RPRD2: variants seen among roughly 807,000 people sequenced by gnomAD.
The protein encoded by RPRD2 is regulation of nuclear pre-mRNA domain containing 2.
A neutral mutation model predicts 104.4 loss-of-function variants in RPRD2; 12 were observed. That is an observed-to-expected ratio of 0.11 (90% confidence interval 0.07 to 0.19). The LOEUF (loss-of-function observed/expected upper bound fraction) is 0.19. Among genes scored for constraint, RPRD2 ranks in the 10% least tolerant of loss-of-function variants. The probability of loss-of-function intolerance (pLI) is 1.00; values close to 1 mark genes in which losing one functional copy is unlikely to be tolerated. For missense variants in RPRD2, 1,543 were observed against 1,790.1 expected, an observed-to-expected ratio of 0.86 and a Z score of 2.49; for synonymous variants, 714 against 684.9, an observed-to-expected ratio of 1.04 and a Z score of -0.66.
chr1:150,464,260 C>T (rs1010781819), intron 9 of RPRD2, among the ~76,000 whole-genome samples: 5 of 151,932 alleles, frequency 3.3e-5, no homozygotes, highest in South Asian at 2.1e-4. Context: ...CCGCCTGCCT[C>T]GGCCTCCCAA....
intron 1 of RPRD2, among the ~76,000 whole-genome samples, chr1:150,392,799 C>T (rs11205366): frequency 0.22 from 33,779 of 151,486 alleles, 4,286 homozygotes; most frequent in African/African-American, 0.32. Flanking sequence ...GCTATGATTT[C>T]GCCATGCACT....
intron 9 of RPRD2, among the ~76,000 whole-genome samples, chr1:150,464,065 G>A (rs1307709390): frequency 1.3e-5 from 2 of 152,050 alleles, no homozygotes; most frequent in Non-Finnish European, 2.9e-5. Flanking sequence ...GAGTCTCACT[G>A]TGTCTCAACT....
At chr1:150,436,474 G>T (rs1445580221) in intron 2 of RPRD2, among the ~76,000 whole-genome samples, 2 of 151,936 alleles carry the variant, frequency 1.3e-5, no homozygotes, top group African/African-American at 4.8e-5. Flanking sequence ...GGTGGCAGGC[G>T]TCTGTAGTCC....
intron 2 of RPRD2, among the ~76,000 whole-genome samples, chr1:150,433,858 T>A: frequency 7.3e-6 from 1 of 136,968 alleles, no homozygotes. Flanking sequence ...ATATGTTATA[T>A]ATACATAATG....
chr1:150,427,078 G>A (rs587704195), intron 2 of RPRD2, among the ~76,000 whole-genome samples: 4 of 152,158 alleles, frequency 2.6e-5, no homozygotes, highest in African/African-American at 9.7e-5. Flanking sequence ...CCGGGAAGTG[G>A]AGGTTACAGT....
Position 150,449,213 on chromosome 1 carries a change from T to C in RPRD2, c.870+2812T>C, listed in dbSNP as rs140464576. 1.7e-3 allele frequency among the ~76,000 whole-genome samples: 259 copies of C among 152,366 alleles called. 2 individuals are homozygous for C. The highest frequency in any genetic ancestry group is 5.8e-3 in the African/African-American group (241 of 41,590). On this transcript the variant is annotated intron_variant, in intron 7 of 10. Transcript: ENST00000369068. ...GATAAGCAGGTTGATTTTCAGCTTTTAGGAAATGTATACATTTAATACAGT... is the reference window on the plus strand; with the variant it reads ...GATAAGCAGGTTGATTTTCAGCTTTCAGGAAATGTATACATTTAATACAGT...
chr1:150,443,158 A>T, intron 4 of RPRD2, 73 bp from the exon 5 acceptor site: 1 of 1,021,734 alleles, frequency 9.8e-7, no homozygotes, highest in Non-Finnish European at 1.5e-6. Flanking sequence ...CTTTAACTAT[A>T]GAGCTAAAAT....
At chr1:150,433,394 A>C (rs1305433726) in intron 2 of RPRD2, among the ~76,000 whole-genome samples, 2 of 145,394 alleles carry the variant, frequency 1.4e-5, no homozygotes, top group Non-Finnish European at 3.0e-5. Flanking sequence ...TATATAATAT[A>C]TAATATATAT....
intron 5 of RPRD2, among the ~76,000 whole-genome samples, chr1:150,444,012 C>G (rs2102364039): frequency 6.6e-6 from 1 of 152,212 alleles, no homozygotes; most frequent in South Asian, 2.1e-4. Flanking sequence ...AGCGAGACTC[C>G]ATTTCAAAAA....
intron 1 of RPRD2, among the ~76,000 whole-genome samples, chr1:150,369,665 T>TTCACCGTGGTC (rs1457642121): frequency 1.4e-5 from 2 of 138,708 alleles, no homozygotes; most frequent in Admixed American, 1.5e-4. Flanking sequence ...GAGACGGGGT[T>TTCACCGTGGTC]TCACCGTGGT....
At chr1:150,386,641 GT>G (rs1661589122) in intron 1 of RPRD2, among the ~76,000 whole-genome samples, 1 of 152,120 alleles carries the variant, frequency 6.6e-6, no homozygotes, top group African/African-American at 2.4e-5. Flanking sequence ...GGCACTTTGT[GT>G]GGGTCTCATG....
chr1:150,472,015 G>A lies in RPRD2; in HGVS notation c.3067G>A (p.Asp1023Asn), dbSNP rs765113561. The A allele has an allele frequency of 4.3e-6, 7 of 1,613,796 alleles. No individual in the cohort carries two copies. Among genetic ancestry groups the A allele is most frequent in the African/African-American group, 1.3e-5 (1 of 74,908 alleles). The change falls in exon 11 of 11, where the codon GAT becomes AAT. Residue 1023 changes from aspartate (D) to asparagine (N), a missense_variant. Physicochemically the swap from Asp to Asn is conservative, Grantham distance 23. Transcript: ENST00000369068. ...LKNASRKPSD[D>N]KHFGQAPSKG... The stretch of plus-strand genomic sequence containing the variant: ...AAACGCCTCACGTAAGCCCTCAGAT[G>A]ATAAGCATTTTGGCCAGGCTCCCAG...
chr1:150,452,980 C>T (rs950831618), intron 7 of RPRD2, among the ~76,000 whole-genome samples: 2 of 150,540 alleles, frequency 1.3e-5, no homozygotes, highest in Non-Finnish European at 1.5e-5. Flanking sequence ...TTTTACACTA[C>T]TAATTACTTT....
At chr1:150,451,227 T>C (rs1667144690) in intron 7 of RPRD2, among the ~76,000 whole-genome samples, 1 of 152,170 alleles carries the variant, frequency 6.6e-6, no homozygotes, top group Non-Finnish European at 1.5e-5. Flanking sequence ...ATCACAGAAG[T>C]GATTCTGTGT....
chr1:150,428,424 C>T (rs1369568109), intron 2 of RPRD2, among the ~76,000 whole-genome samples: 3 of 137,844 alleles, frequency 2.2e-5, no homozygotes, highest in African/African-American at 8.1e-5. Flanking sequence ...CACTGCACTC[C>T]AGCCTGGGTG....
At position 150,417,910 on chromosome 1, in the gene RPRD2, TTC is replaced by T. The variant is rs140431392; in HGVS notation, c.335+197_335+198del. Among the ~76,000 whole-genome samples the T allele has an allele frequency of 2.3e-4, 34 of 150,708 alleles. 2 individuals are homozygous for T. Among genetic ancestry groups the T allele is most frequent in the East Asian group, 1.9e-3 (10 of 5,168 alleles). On this transcript the variant is annotated intron_variant, in intron 2 of 10. Transcript: ENST00000369068. ...TTCTTTCTTTTCTTTTCTTTTCTTT[TTC>T]TCTCTCTCTCTTTCTTTCTTTCTTC... is the stretch of plus-strand genomic sequence containing the variant.
intron 2 of RPRD2, among the ~76,000 whole-genome samples, chr1:150,421,384 T>C (rs1553889589): frequency 6.6e-6 from 1 of 152,276 alleles, no homozygotes; most frequent in Admixed American, 6.5e-5. Flanking sequence ...TAAATGAAGA[T>C]ATATAGGGTT....
intron 1 of RPRD2, among the ~76,000 whole-genome samples, chr1:150,387,191 G>A (rs1229158684): frequency 6.6e-6 from 1 of 152,052 alleles, no homozygotes. Flanking sequence ...AAAAATCCAC[G>A]TATAAGTGAG....
chr1:150,374,988 C>T (rs759481644), intron 1 of RPRD2, among the ~76,000 whole-genome samples: 204 of 150,126 alleles, frequency 1.4e-3, no homozygotes, highest in Non-Finnish European at 2.7e-3. Context: ...CCCTCTCCCT[C>T]CCCTTTAGAT....
Sources: gnomAD v4.1 joint callset for allele counts (sites outside exome capture counted in the v4.1 genomes callset) on GRCh38, gnomAD v4.1.1 for gene constraint, MANE v1.5 for transcripts, NCBI Gene and HGNC (gene_info 2026-07-23, HGNC 2026-07-21) for gene names.